Variants in CACNA1A observed in about 807,000 individuals in gnomAD.
The protein encoded by CACNA1A is voltage-dependent P/Q-type calcium channel subunit alpha-1A.
Under a neutral mutation model 262.4 loss-of-function variants are expected in CACNA1A, and 57 were observed. The observed-to-expected ratio is 0.22, with a 90% CI of 0.18 to 0.27. The LOEUF (loss-of-function observed/expected upper bound fraction) is 0.27, where lower values mean the gene tolerates loss of function less well. Among genes scored for constraint, CACNA1A ranks in the 10% least tolerant of loss-of-function variants. CACNA1A has a pLI of 1.00. For synonymous variants in CACNA1A, 1,431 were observed against 1,419.3 expected, an observed-to-expected ratio of 1.01 and a Z score of -0.18; for missense variants, 2,526 against 3,562.8, an observed-to-expected ratio of 0.71 and a Z score of 7.41.
At chr19:13,396,843 CT>C (rs58425516) in intron 3 of CACNA1A, among the ~76,000 whole-genome samples, 18,362 of 152,086 alleles carry the variant, frequency 0.12, 2,550 homozygotes, top group African/African-American at 0.33. Context: ...TTTGGTTTGG[CT>C]GAGGGGAAGC....
At chr19:13,276,596 T>C (rs2057153306) in intron 23 of CACNA1A, among the ~76,000 whole-genome samples, 1 of 152,128 alleles carries the variant, frequency 6.6e-6, no homozygotes, top group Non-Finnish European at 1.5e-5. Context: ...ACCAGCTTCC[T>C]TGCTGCTCTT....
chr19:13,482,875 T>C (rs927020037), intron 1 of CACNA1A, among the ~76,000 whole-genome samples: 40 of 151,674 alleles, frequency 2.6e-4, no homozygotes, highest in East Asian at 2.1e-3. Flanking sequence ...TGTGTGTGTG[T>C]GTGTGTGTGT....
intron 3 of CACNA1A, among the ~76,000 whole-genome samples, chr19:13,401,941 T>C (rs1337533626): frequency 6.6e-6 from 1 of 152,172 alleles, no homozygotes; most frequent in Non-Finnish European, 1.5e-5. Context: ...CCTCCCAAAG[T>C]GCTAGAATTA....
At chr19:13,499,666 C>T (rs1982136078) in intron 1 of CACNA1A, among the ~76,000 whole-genome samples, 2 of 152,128 alleles carry the variant, frequency 1.3e-5, no homozygotes, top group African/African-American at 4.8e-5. Flanking sequence ...GAAGGAATAT[C>T]CTCATCATGC....
intron 3 of CACNA1A, among the ~76,000 whole-genome samples, chr19:13,427,061 A>G (rs1252617112): frequency 2.6e-5 from 4 of 152,192 alleles, no homozygotes; most frequent in Admixed American, 2.6e-4. Flanking sequence ...TTTACCTTCC[A>G]TTAACTAATT....
At chr19:13,359,864 G>A (rs2059071595) in intron 5 of CACNA1A, 65 bp from the exon 6 acceptor site, 3 of 1,083,064 alleles carry the variant, frequency 2.8e-6, no homozygotes, top group Non-Finnish European at 4.0e-6. Flanking sequence ...GAGAAATAGG[G>A]ACCAGTGACT....
At position 13,214,867 on chromosome 19, in the gene CACNA1A, C is replaced by T. The variant is rs367739364; in HGVS notation, c.5732-259G>A. 6.1e-6 allele frequency: 3 copies of T among 488,628 alleles called. No homozygotes were observed. Among genetic ancestry groups the T allele is most frequent in the Non-Finnish European group, 1.1e-5 (3 of 273,110 alleles). The allele number at this position is 488,628 out of a possible 1,614,324, so 30.3% of individuals were successfully genotyped here. Reference sequence around the variant, plus strand: ...CAGCCCGGCATGGAGAACAGCTGGGCGACCTGGGTCCCAATCTTGTCTCCC... The same window carrying T: ...CAGCCCGGCATGGAGAACAGCTGGGTGACCTGGGTCCCAATCTTGTCTCCC... On this transcript the variant is annotated intron_variant, in intron 38 of 46. Coordinates refer to ENST00000360228, the MANE Select transcript of CACNA1A (RefSeq NM_001127222.2). The surrounding 1 kb of genome is among the most constrained non-coding windows in gnomAD (Gnocchi z 4.1).
At chr19:13,257,603 G>T in intron 27 of CACNA1A, 52 bp from the exon 28 acceptor site, 1 of 1,227,364 alleles carries the variant, frequency 8.1e-7, no homozygotes, top group South Asian at 1.4e-5. Context: ...GAGAGACAGG[G>T]ACCCAAGGGG....
intron 1 of CACNA1A, among the ~76,000 whole-genome samples, chr19:13,483,231 A>C (rs771323203): frequency 6.6e-6 from 1 of 152,116 alleles, no homozygotes; most frequent in African/African-American, 2.4e-5. Context: ...CACAGATGGA[A>C]AGAGCCGGGT....
Position 13,506,292 on chromosome 19 carries a change from CGCCGCCGCT to C in CACNA1A, c.-77_-69del, listed in dbSNP as rs1027109414. On this transcript the variant is annotated 5_prime_UTR_variant, in exon 1 of 47. Transcript: ENST00000360228. The stretch of plus-strand genomic sequence containing the variant: ...ATGCGGAAGACGCCGCCGCCGCCGC[CGCCGCCGCT>C]GATGCTGAGGCTGCCGGGGCTGGGA... 11 of 1,341,212 alleles carry C rather than the reference CGCCGCCGCT, an allele frequency of 8.2e-6. No individual in the cohort carries two copies. The East Asian group carries it at 8.8e-5, about 11-fold the overall frequency. The allele number at this position is 1,341,212 out of a possible 1,614,324, so 83.1% of individuals were successfully genotyped here.
At position 13,381,995 on chromosome 19, in the gene CACNA1A, C is replaced by T. The variant is rs530436194; in HGVS notation, c.540-10216G>A. ...ATATGATCTCTCTAGGGGGCAAGGCCGGAAGCTGGGAGATTGAGGAGGAGG... is the reference window on the plus strand; with the variant it reads ...ATATGATCTCTCTAGGGGGCAAGGCTGGAAGCTGGGAGATTGAGGAGGAGG... On this transcript the variant is annotated intron_variant, in intron 3 of 46. Transcript: ENST00000360228. 1.0e-3 allele frequency among the ~76,000 whole-genome samples: 154 copies of T among 152,126 alleles called. 3 individuals carry two copies. Among genetic ancestry groups the T allele is most frequent in the Non-Finnish European group, 9.1e-4 (62 of 67,992 alleles).
At chr19:13,443,053 T>C (rs948154789) in intron 3 of CACNA1A, among the ~76,000 whole-genome samples, 1 of 152,212 alleles carries the variant, frequency 6.6e-6, no homozygotes, top group East Asian at 1.9e-4. Context: ...TTTTATTTAT[T>C]TTATATTATT....
intron 12 of CACNA1A, among the ~76,000 whole-genome samples, chr19:13,309,752 A>G (rs568286490): frequency 6.6e-6 from 1 of 152,166 alleles, no homozygotes; most frequent in Non-Finnish European, 1.5e-5. Flanking sequence ...GGAAGTTTCC[A>G]GAGACACTGT....
intron 22 of CACNA1A, among the ~76,000 whole-genome samples, chr19:13,280,091 C>A (rs968293040): frequency 6.6e-6 from 1 of 152,110 alleles, no homozygotes; most frequent in Non-Finnish European, 1.5e-5. Flanking sequence ...TGTTTATTGT[C>A]CAATAAACAT....
chr19:13,472,100 C>T (rs1978286142), intron 1 of CACNA1A, among the ~76,000 whole-genome samples: 1 of 151,802 alleles, frequency 6.6e-6, no homozygotes, highest in African/African-American at 2.4e-5. Flanking sequence ...GTAGCTGGGA[C>T]TACAGGTGCA....
intron 3 of CACNA1A, among the ~76,000 whole-genome samples, chr19:13,441,703 G>A (rs1278334806): frequency 1.3e-5 from 2 of 150,878 alleles, no homozygotes; most frequent in Non-Finnish European, 2.9e-5. Context: ...GGTTTGTTGC[G>A]AGTCCAGTGG....
intron 3 of CACNA1A, among the ~76,000 whole-genome samples, chr19:13,439,359 C>G (rs1340100638): frequency 6.7e-6 from 1 of 150,246 alleles, no homozygotes; most frequent in African/African-American, 2.5e-5. Context: ...TCGTTGCCCT[C>G]AAATCTTTGT....
At chr19:13,502,708 G>T (rs575698322) in intron 1 of CACNA1A, among the ~76,000 whole-genome samples, 11 of 152,266 alleles carry the variant, frequency 7.2e-5, no homozygotes, top group Admixed American at 3.3e-4. Context: ...GGGAAAAAAT[G>T]AAATAAATGA....
At chr19:13,424,324 A>AATGGAG (rs1227839630) in intron 3 of CACNA1A, among the ~76,000 whole-genome samples, 38 of 152,196 alleles carry the variant, frequency 2.5e-4, no homozygotes, top group African/African-American at 8.7e-4. Flanking sequence ...AGCCAAGATC[A>AATGGAG]TGCCATTGCA....
Sources: gnomAD v4.1 joint callset for allele counts (sites outside exome capture counted in the v4.1 genomes callset) on GRCh38, gnomAD v4.1.1 for gene constraint, Gnocchi (gnomAD v3.1) non-coding constraint, MANE v1.5 for transcripts, NCBI Gene and HGNC (gene_info 2026-07-23, HGNC 2026-07-21) for gene names.